Variants in ZBTB25 observed in about 807,000 individuals in gnomAD.
ZBTB25 encodes the protein zinc finger and BTB domain containing 25.
ZBTB25 carries 20 observed loss-of-function variants against 34.2 expected under a neutral mutation model. The ratio of observed to expected loss-of-function variants is 0.58; its 90% CI spans 0.41 to 0.85. The LOEUF is 0.85. ZBTB25 is among the 40% of genes least tolerant of loss of function. The pLI, the probability that ZBTB25 is intolerant of heterozygous loss-of-function variation, is 0.00. For synonymous variants in ZBTB25, 175 were observed against 186.4 expected, an observed-to-expected ratio of 0.94 and a Z score of 0.50; for missense variants, 437 against 521.8, an observed-to-expected ratio of 0.84 and a Z score of 1.58.
chr14:64,453,773 T>TCATTGCA lies in ZBTB25; in HGVS notation c.174-4136_174-4135insTGCAATG. On this transcript the variant is annotated intron_variant, in intron 2 of 2. Coordinates refer to the ZBTB25 transcript ENST00000555220. ...CATTAGCTCCCAGTTGAGGATAAAA[T>TCATTGCA]CAGGATCATTGCACAGAAGATCTAT... The TCATTGCA allele has an allele frequency of 1.9e-6, 3 of 1,610,666 alleles. No homozygotes were observed. Among genetic ancestry groups the TCATTGCA allele is most frequent in the Non-Finnish European group, 2.5e-6 (3 of 1,177,026 alleles).
In ZBTB25 at chr14:64,487,407, T is replaced by C; in HGVS notation, c.824A>G (p.Glu275Gly). The C allele has an allele frequency of 6.2e-7, 1 of 1,614,196 alleles. No homozygotes were observed. Among genetic ancestry groups the C allele is most frequent in the South Asian group, 1.1e-5 (1 of 91,086 alleles). The stretch of plus-strand genomic sequence containing the variant: ...ATGCACTTCACCAAGGTCATTACTT[T>C]CCAGAATGGAAGCAGGGACACCGAA... ...LPFGVPASILESNDLGEVHPL... is the reference protein window; with the variant it reads ...LPFGVPASILGSNDLGEVHPL... The change falls in exon 3 of 3, where the codon GAA becomes GGA. Residue 275 changes from glutamate (E) to glycine (G), a missense_variant. Physicochemically the swap from Glu to Gly is moderately conservative, Grantham distance 98. Coordinates refer to ENST00000608382, the MANE Select transcript of ZBTB25 (RefSeq NM_006977.5).
At chr14:64,452,461 G>A (rs2078388792) in intron 2 of ZBTB25, among the ~76,000 whole-genome samples, 1 of 152,048 alleles carries the variant, frequency 6.6e-6, no homozygotes, top group Admixed American at 6.5e-5. Flanking sequence ...GAATCTTAAT[G>A]CCCTGAACTA....
At chr14:64,496,113 G>A (rs1164320480) in intron 1 of ZBTB25, among the ~76,000 whole-genome samples, 1 of 152,088 alleles carries the variant, frequency 6.6e-6, no homozygotes, top group African/African-American at 2.4e-5. Context: ...TACTCCATAG[G>A]CAGAGCAGCC....
In ZBTB25 at chr14:64,494,864, A is replaced by C. The variant is rs140598549; in HGVS notation, c.-7-4324T>G. Among the ~76,000 whole-genome samples the C allele has an allele frequency of 3.9e-5, 6 of 152,356 alleles. No homozygotes were observed. The East Asian group carries it at 1.2e-3, about 29-fold the overall frequency. ...CTCTACTTCAGATTAGATAATTTCTATTAATCTATCCTCAAATTAAATGAC... is the reference window on the plus strand; with the variant it reads ...CTCTACTTCAGATTAGATAATTTCTCTTAATCTATCCTCAAATTAAATGAC... On this transcript the variant is annotated intron_variant, in intron 1 of 2. Transcript: ENST00000608382.
chr14:64,468,851 A>G (rs772188101), intron 2 of ZBTB25: 5 of 1,614,176 alleles, frequency 3.1e-6, no homozygotes, highest in East Asian at 2.2e-5. Context: ...CTGCAGCATC[A>G]AAGTCCAGGA....
intron 1 of ZBTB25, chr14:64,502,712 GGTGGAGA>G: frequency 1.0e-6 from 1 of 985,598 alleles, no homozygotes; most frequent in Non-Finnish European, 1.2e-6. Flanking sequence ...GTCCTGGCAT[GGTGGAGA>G]GTGCAATCAC....
chr14:64,459,246 C>T (rs574846690), intron 2 of ZBTB25, among the ~76,000 whole-genome samples: 34 of 152,234 alleles, frequency 2.2e-4, no homozygotes, highest in African/African-American at 4.1e-4. Flanking sequence ...AAAAGGAAGA[C>T]GTGAGTTTTG....
chr14:64,472,797 T>C (rs970286564), intron 2 of ZBTB25: 1 of 166,958 alleles, frequency 6.0e-6, no homozygotes, highest in Non-Finnish European at 1.5e-5. Flanking sequence ...TGTAATAGTA[T>C]TTAAGCAATT....
intron 2 of ZBTB25, among the ~76,000 whole-genome samples, chr14:64,451,271 C>T (rs1043806829): frequency 6.6e-6 from 1 of 152,136 alleles, no homozygotes. Context: ...ATCCTCCTGC[C>T]TCAGCCTCCC....
chr14:64,455,004 T>C (rs1436291574), intron 2 of ZBTB25: 2 of 921,164 alleles, frequency 2.2e-6, no homozygotes, highest in Non-Finnish European at 3.6e-6. Context: ...ATCGGGCCTA[T>C]TATGATTGCT....
chr14:64,454,546 CTT>C (rs59626407), intron 2 of ZBTB25, among the ~76,000 whole-genome samples: 44 of 133,274 alleles, frequency 3.3e-4, no homozygotes, highest in Admixed American at 4.5e-4. Flanking sequence ...CCCAACAGTT[CTT>C]TTTTTTTTTT....
intron 1 of ZBTB25, among the ~76,000 whole-genome samples, chr14:64,498,735 G>A (rs993433887): frequency 3.9e-5 from 6 of 151,982 alleles, no homozygotes; most frequent in Non-Finnish European, 5.9e-5. Context: ...CCGGGTTCGC[G>A]CCATTCTCCT....
chr14:64,497,779 CTCTCAGA>C (rs2079328962), intron 1 of ZBTB25, among the ~76,000 whole-genome samples: 1 of 152,284 alleles, frequency 6.6e-6, no homozygotes, highest in African/African-American at 2.4e-5. Flanking sequence ...CTAGACTGGA[CTCTCAGA>C]TCTATGGTAG....
chr14:64,500,783 G>T (rs2079465862), intron 1 of ZBTB25, among the ~76,000 whole-genome samples: 1 of 151,546 alleles, frequency 6.6e-6, no homozygotes, highest in African/African-American at 2.4e-5. Context: ...AGGCACAGTG[G>T]CTCACACCTA....
Position 64,487,132 on chromosome 14 carries a change from G to C in ZBTB25, c.1099C>G (p.His367Asp), listed in dbSNP as rs2141021381. The C allele has an allele frequency of 6.2e-7, 1 of 1,614,128 alleles. No individual in the cohort carries two copies. Among genetic ancestry groups the C allele is most frequent in the East Asian group, 2.2e-5 (1 of 44,888 alleles). Residue 367 changes from histidine to aspartate, a missense_variant, in exon 3 of 3, where the codon CAC (histidine) becomes GAC (aspartate). Physicochemically the swap from His to Asp is moderately conservative, Grantham distance 81. Coordinates refer to ENST00000608382, the MANE Select transcript of ZBTB25 (RefSeq NM_006977.5). ...KFPRKSQLLE[H>D]MYTHKGKSYR... is the part of the protein sequence containing the mutation. ...GATTTACCTTTGTGTGTATACATGT[G>C]TTCCAACAATTGGCTCTTTCGAGGG...
At chr14:64,470,109 T>C (rs2078652650) in intron 2 of ZBTB25, 1 of 168,472 alleles carries the variant, frequency 5.9e-6, no homozygotes, top group Admixed American at 6.5e-5. Context: ...TTTTTTACAG[T>C]GCACATATAT....
At chr14:64,495,624 C>A (rs1291662270) in intron 1 of ZBTB25, among the ~76,000 whole-genome samples, 1 of 152,210 alleles carries the variant, frequency 6.6e-6, no homozygotes, top group Non-Finnish European at 1.5e-5. Context: ...AGACCTCAAT[C>A]TAGTTTTTGT....
chr14:64,491,945 T>C (rs57778315), intron 1 of ZBTB25, among the ~76,000 whole-genome samples: 2,379 of 152,080 alleles, frequency 0.016, 52 homozygotes, highest in African/African-American at 0.053. Context: ...GCTAACATTT[T>C]ATAGTGCTTC....
At chr14:64,503,538 CCT>C (rs977761744) in intron 1 of ZBTB25, 121 bp downstream of exon 1, 4 of 985,920 alleles carry the variant, frequency 4.1e-6, no homozygotes, top group Non-Finnish European at 2.4e-6. Flanking sequence ...CAAAAACACC[CCT>C]CTCCCCAGCT....
Sources: allele counts gnomAD v4.1 joint callset (sites outside exome capture counted in the v4.1 genomes callset), GRCh38; gene constraint gnomAD v4.1.1; transcripts MANE v1.5; gene names NCBI Gene and HGNC (gene_info 2026-07-23, HGNC 2026-07-21).